Variants in PRKCI observed in about 807,000 individuals in gnomAD.
PRKCI encodes the protein protein kinase C iota.
In PRKCI, 43 loss-of-function variants were observed where a neutral mutation model predicts 84.0. That is an observed-to-expected ratio of 0.51 (90% confidence interval 0.40 to 0.66). The LOEUF (loss-of-function observed/expected upper bound fraction) is 0.66, where lower values mean the gene tolerates loss of function less well. Among genes scored for constraint, PRKCI ranks in the 30% least tolerant of loss-of-function variants. PRKCI has a pLI of 0.00. For synonymous variants in PRKCI, 216 were observed against 234.4 expected (o/e 0.92, Z 0.72); for missense variants, 459 against 745.6 (o/e 0.62, Z 4.48).
At chr3:170,256,789 A>T (rs565319401) in intron 2 of PRKCI, among the ~76,000 whole-genome samples, 1 of 151,416 alleles carries the variant, frequency 6.6e-6, no homozygotes, top group African/African-American at 2.4e-5. Context: ...CCTTTTTTTG[A>T]TGTGGGCACT....
intron 8 of PRKCI, among the ~76,000 whole-genome samples, chr3:170,277,982 A>G (rs1734158405): frequency 2.0e-5 from 3 of 152,090 alleles, no homozygotes; most frequent in Admixed American, 2.0e-4. Flanking sequence ...TTTTTCCTTT[A>G]GTGAGCACCT....
intron 2 of PRKCI, among the ~76,000 whole-genome samples, chr3:170,240,000 A>T (rs550973345): frequency 1.3e-4 from 19 of 150,404 alleles, no homozygotes; most frequent in East Asian, 3.9e-4. Flanking sequence ...TACAAAAAAA[A>T]TTTTTTTTTT....
chr3:170,231,110 G>A (rs551722700), intron 1 of PRKCI, among the ~76,000 whole-genome samples: 70 of 151,598 alleles, frequency 4.6e-4, no homozygotes, highest in African/African-American at 1.4e-3. Context: ...CAGGCAAGGC[G>A]CTACCATGCC....
chr3:170,245,198 A>G (rs376322046), intron 2 of PRKCI, among the ~76,000 whole-genome samples: 1 of 152,174 alleles, frequency 6.6e-6, no homozygotes. Flanking sequence ...ACTGAGTCCC[A>G]ACATGGGAAT....
rs146091965 is a variant in PRKCI at position 170,232,279 on chromosome 3, G to A, written c.102-2951G>A. On this transcript the variant is annotated intron_variant, in intron 1 of 17. Transcript: ENST00000295797. ...TTGCCCAGGCAGGCCTCGAACTCCT[G>A]TACCGAAGCGATCCTCCCACATTGG... 2.4e-3 allele frequency among the ~76,000 whole-genome samples: 366 copies of A among 152,260 alleles called. 3 individuals are homozygous for A. The highest frequency in any genetic ancestry group is 4.9e-3 in the Non-Finnish European group (330 of 68,026).
rs1423404616 is a variant in PRKCI, at chr3:170,297,388, G to A, written c.1582G>A (p.Asp528Asn). 3 of 1,608,386 alleles carry A rather than the reference G, an allele frequency of 1.9e-6. No individual in the cohort carries two copies. The highest frequency in any genetic ancestry group is 1.7e-4 in the Middle Eastern group (1 of 5,948). ...GHPFFRNVDW[D>N]MMEQKQVVPP... ...CCCGTTCTTCCGAAATGTTGATTGG[G>A]ATATGGTATGTAAATTTTGATTACT... The change falls in exon 16 of 18, where the codon GAT becomes AAT. Residue 528 changes from aspartate to asparagine, a missense_variant. Asp to Asn is a conservative substitution (Grantham distance 23). Around this residue, in one of 2 missense-constraint regions of PRKCI, gnomAD observed 209 missense variants for 425.9 expected, o/e 0.49. Coordinates refer to ENST00000295797, the MANE Select transcript of PRKCI (RefSeq NM_002740.6).
intron 2 of PRKCI, among the ~76,000 whole-genome samples, chr3:170,235,566 C>CTTT (rs199938459): frequency 2.2e-5 from 3 of 136,234 alleles, no homozygotes; most frequent in Non-Finnish European, 3.2e-5. Flanking sequence ...ATTAACTTGA[C>CTTT]TTTTTTTTTT....
intron 2 of PRKCI, among the ~76,000 whole-genome samples, chr3:170,257,022 G>A (rs1263506854): frequency 6.6e-6 from 1 of 151,974 alleles, no homozygotes; most frequent in Non-Finnish European, 1.5e-5. Flanking sequence ...GTTCCATTGT[G>A]GTCAGAGAAG....
chr3:170,293,596 G>T, intron 14 of PRKCI, 88 bp downstream of exon 14: 1 of 1,372,522 alleles, frequency 7.3e-7, no homozygotes, highest in Non-Finnish European at 1.0e-6. Flanking sequence ...CTTTGAGTAA[G>T]AAAAATGAGC....
chr3:170,245,541 G>A (rs144082261), intron 2 of PRKCI, among the ~76,000 whole-genome samples: 92 of 152,204 alleles, frequency 6.0e-4, no homozygotes, highest in African/African-American at 2.1e-3. Context: ...ATCTGCTCCA[G>A]TATCTGGGAA....
At chr3:170,290,455 C>G (rs1156927280) in intron 12 of PRKCI, among the ~76,000 whole-genome samples, 1 of 151,850 alleles carries the variant, frequency 6.6e-6, no homozygotes, top group African/African-American at 2.4e-5. Context: ...GTCTCTCTCT[C>G]TAATGTCTCT....
At chr3:170,237,996 T>C (rs1733023613) in intron 2 of PRKCI, among the ~76,000 whole-genome samples, 1 of 152,200 alleles carries the variant, frequency 6.6e-6, no homozygotes, top group African/African-American at 2.4e-5. Flanking sequence ...ACAGCTGATA[T>C]TTTGCAGACC....
At chr3:170,276,878 A>G (rs1734127665) in intron 8 of PRKCI, among the ~76,000 whole-genome samples, 1 of 152,162 alleles carries the variant, frequency 6.6e-6, no homozygotes, top group Non-Finnish European at 1.5e-5. Flanking sequence ...GTCACAAACT[A>G]TACATCCAAC....
At position 170,298,659 on chromosome 3, in the gene PRKCI, G is replaced by A. The variant is rs1013187505; in HGVS notation, c.1588-336G>A. On this transcript the variant is annotated intron_variant, in intron 16 of 17. Coordinates refer to ENST00000295797, the MANE Select transcript of PRKCI (RefSeq NM_002740.6). ...GACCTCAGGTGATCTGCGCACCTTG[G>A]CCTCCCAAAGTGATGGGATTACAGG... 2.6e-5 allele frequency among the ~76,000 whole-genome samples: 4 copies of A among 152,202 alleles called. No individual in the cohort carries two copies. The East Asian group carries it at 5.8e-4, about 22-fold the overall frequency.
chr3:170,226,313 G>A (rs1284512248), intron 1 of PRKCI, among the ~76,000 whole-genome samples: 5 of 152,142 alleles, frequency 3.3e-5, no homozygotes, highest in African/African-American at 9.7e-5. Flanking sequence ...GCCTGCACCC[G>A]TCTTTTCCTA....
At chr3:170,233,904 AGAGACG>A (rs1732869795) in intron 1 of PRKCI, among the ~76,000 whole-genome samples, 1 of 151,748 alleles carries the variant, frequency 6.6e-6, no homozygotes, top group Non-Finnish European at 1.5e-5. Flanking sequence ...TATTTTTAGT[AGAGACG>A]GAGTTTCACT....
intron 11 of PRKCI, among the ~76,000 whole-genome samples, chr3:170,283,499 A>G (rs1343123100): frequency 6.6e-6 from 1 of 152,084 alleles, no homozygotes; most frequent in Non-Finnish European, 1.5e-5. Context: ...TTTTTTGTTT[A>G]TTTGGGTTTT....
In PRKCI at chr3:170,222,541, G is replaced by A. The variant is rs946642381; in HGVS notation, c.-129G>A. On this transcript the variant is annotated 5_prime_UTR_variant, in exon 1 of 18. Transcript: ENST00000295797. ...GGCGACCCTTGGGTCGGCGCTGCGG[G>A]CGAGGTGGGCAGGTAGGTGGGCGGA... 2.6e-6 allele frequency: 2 copies of A among 771,328 alleles called. No homozygotes were observed. Among genetic ancestry groups the A allele is most frequent in the Non-Finnish European group, 3.8e-6 (2 of 519,654 alleles). 47.8% of individuals were successfully genotyped at this position (771,328 alleles called of 1,614,324 possible). A position where few individuals can be genotyped will look rare whatever the true frequency, so the allele number is the denominator to read the frequency against.
intron 12 of PRKCI, 67 bp downstream of exon 12, chr3:170,284,663 A>G: frequency 6.8e-7 from 1 of 1,465,776 alleles, no homozygotes; most frequent in Non-Finnish European, 9.3e-7. Context: ...AAATAACTTC[A>G]TGTTTAAAGA....
Sources: allele counts gnomAD v4.1 joint callset (sites outside exome capture counted in the v4.1 genomes callset), GRCh38; gene constraint gnomAD v4.1.1; regional missense constraint gnomAD v4.1.1; transcripts MANE v1.5; gene names NCBI Gene and HGNC (gene_info 2026-07-23, HGNC 2026-07-21).